Variants in FRAS1 observed in about 807,000 individuals in gnomAD.
FRAS1 encodes extracellular matrix organizing protein FRAS1.
Under a neutral mutation model 435.2 loss-of-function variants are expected in FRAS1, and 290 were observed. That is an observed-to-expected ratio of 0.67 (90% confidence interval 0.61 to 0.73). The LOEUF (loss-of-function observed/expected upper bound fraction) is 0.73, where lower values mean the gene tolerates loss of function less well. Ranked by LOEUF, FRAS1 falls within the 30% of genes least tolerant of loss-of-function variation. The pLI is 0.00. For missense variants in FRAS1, 4,860 were observed against 5,001.5 expected (o/e 0.97, Z 0.85); for synonymous variants, 1,800 against 1,851.0 (o/e 0.97, Z 0.71).
intron 70 of FRAS1, among the ~76,000 whole-genome samples, chr4:78,533,913 G>A (rs1272444884): frequency 6.6e-6 from 1 of 152,196 alleles, no homozygotes; most frequent in African/African-American, 2.4e-5. Flanking sequence ...AGAACAATAA[G>A]GGTCCCAGAA....
chr4:78,496,341 T>G (rs17003281), intron 59 of FRAS1, among the ~76,000 whole-genome samples: 1 of 152,190 alleles, frequency 6.6e-6, no homozygotes, highest in Non-Finnish European at 1.5e-5. Context: ...CGCAAAGCCT[T>G]TCTGATTTCT....
chr4:78,266,699 T>C (rs1174514170), intron 7 of FRAS1, 135 bp from the exon 8 acceptor site: 1 of 679,392 alleles, frequency 1.5e-6, no homozygotes, highest in Admixed American at 2.5e-5. Context: ...TCTAAATGTT[T>C]TCATTTCTCA....
chr4:78,253,640 C>T (rs547437849), intron 5 of FRAS1, among the ~76,000 whole-genome samples: 28 of 152,210 alleles, frequency 1.8e-4, no homozygotes, highest in African/African-American at 6.3e-4. Context: ...AACCCCATTC[C>T]GTATTGGAAT....
intron 47 of FRAS1, among the ~76,000 whole-genome samples, chr4:78,461,739 G>A (rs2627651): frequency 0.76 from 116,309 of 152,118 alleles, 45,154 homozygotes; most frequent in African/African-American, 0.88. Context: ...CAGGTATTTC[G>A]CTCCTAGAGA....
chr4:78,481,551 C>A (rs1248987049), intron 56 of FRAS1, among the ~76,000 whole-genome samples: 1 of 152,202 alleles, frequency 6.6e-6, no homozygotes, highest in African/African-American at 2.4e-5. Flanking sequence ...CCCCTAAGGG[C>A]TCTCTCCAGC....
intron 66 of FRAS1, among the ~76,000 whole-genome samples, chr4:78,518,434 A>ATTTATT (rs2109891268): frequency 1.7e-5 from 1 of 59,542 alleles, no homozygotes; most frequent in East Asian, 1.0e-3. Context: ...ATATATATAT[A>ATTTATT]TATATATATA....
At chr4:78,464,407 G>T (rs1202258027) in intron 48 of FRAS1, 36 bp from the exon 49 acceptor site, 4 of 1,612,512 alleles carry the variant, frequency 2.5e-6, no homozygotes, top group Non-Finnish European at 3.4e-6. Flanking sequence ...AGGTGCTAGG[G>T]ACAGGTGTCC....
chr4:78,131,570 C>T (rs112450513), intron 2 of FRAS1, among the ~76,000 whole-genome samples: 17 of 152,300 alleles, frequency 1.1e-4, no homozygotes, highest in African/African-American at 3.1e-4. Flanking sequence ...ATAAAAGCAG[C>T]GTGGGCAGAA....
At chr4:78,346,416 C>A (rs761621878) in intron 20 of FRAS1, among the ~76,000 whole-genome samples, 1 of 152,172 alleles carries the variant, frequency 6.6e-6, no homozygotes, top group Non-Finnish European at 1.5e-5. Context: ...AGATGTTAAC[C>A]CACTTACCCA....
chr4:78,505,025 C>A (rs1316142214), intron 61 of FRAS1, among the ~76,000 whole-genome samples: 2 of 152,176 alleles, frequency 1.3e-5, no homozygotes, highest in East Asian at 1.9e-4. Context: ...TTGAAAAATT[C>A]TTTTCTTTAA....
At chr4:78,475,714 CCTT>C (rs1719835222) in intron 54 of FRAS1, 108 bp downstream of exon 54, 2 of 1,039,324 alleles carry the variant, frequency 1.9e-6, no homozygotes, top group Non-Finnish European at 2.7e-6. Flanking sequence ...TCACTGGTGT[CCTT>C]CTTCAAGTAT....
In FRAS1 at chr4:78,308,139, C is replaced by T. The variant is rs371970075; in HGVS notation, c.1608C>T (p.His536=). 40 of 1,613,800 alleles carry T rather than the reference C, an allele frequency of 2.5e-5. No individual in the cohort carries two copies. In the African/African-American group the frequency reaches 2.8e-4, roughly 11 times the overall value. Residue 536 remains histidine, a synonymous_variant, in exon 15 of 74, where the codon CAC becomes CAT. Coordinates refer to ENST00000512123, the MANE Select transcript of FRAS1 (RefSeq NM_025074.7). The stretch of plus-strand genomic sequence containing the variant: ...GCTTGGCCTGCAGAGATCCCCTCCA[C>T]GTGCTGAGAGATGGCGGCTGTGAGA... ...KHCLACRDPL[H]VLRDGGCESS...
chr4:78,525,575 T>C (rs894546574), intron 69 of FRAS1, among the ~76,000 whole-genome samples: 2 of 152,248 alleles, frequency 1.3e-5, no homozygotes, highest in African/African-American at 4.8e-5. Context: ...AATTTACTGA[T>C]AAATAGATAA....
chr4:78,361,751 A>G (rs72657066), intron 20 of FRAS1, among the ~76,000 whole-genome samples: 166 of 152,354 alleles, frequency 1.1e-3, no homozygotes, highest in Non-Finnish European at 1.9e-3. Context: ...ACAAGCGTTG[A>G]GATGAAACAA....
intron 2 of FRAS1, among the ~76,000 whole-genome samples, chr4:78,194,097 GC>G (rs1429900117): frequency 6.6e-6 from 1 of 152,074 alleles, no homozygotes; most frequent in Non-Finnish European, 1.5e-5. Context: ...TTGAATATTG[GC>G]CCCCACTCTC....
intron 3 of FRAS1, among the ~76,000 whole-genome samples, chr4:78,243,197 T>C (rs1269598744): frequency 6.6e-6 from 1 of 152,180 alleles, no homozygotes; most frequent in African/African-American, 2.4e-5. Flanking sequence ...TCTATATATA[T>C]ATATGTATAT....
intron 2 of FRAS1, among the ~76,000 whole-genome samples, chr4:78,195,898 A>G (rs1019917005): frequency 1.3e-5 from 2 of 150,490 alleles, no homozygotes; most frequent in African/African-American, 4.9e-5. Flanking sequence ...ACCTGTTCCT[A>G]TTCGGCCATC....
At chr4:78,124,703 G>C (rs1040500429) in intron 2 of FRAS1, among the ~76,000 whole-genome samples, 3 of 152,174 alleles carry the variant, frequency 2.0e-5, no homozygotes, top group Admixed American at 6.5e-5. Flanking sequence ...TTAGTCTTGG[G>C]AGGGTGTATG....
At chr4:78,400,357 A>G (rs1407829177) in intron 29 of FRAS1, among the ~76,000 whole-genome samples, 3 of 152,160 alleles carry the variant, frequency 2.0e-5, no homozygotes, top group Non-Finnish European at 4.4e-5. Flanking sequence ...CATCTTGTAT[A>G]TATCGGGCCT....
Sources: gnomAD v4.1 joint callset for allele counts (sites outside exome capture counted in the v4.1 genomes callset) on GRCh38, gnomAD v4.1.1 for gene constraint, MANE v1.5 for transcripts, NCBI Gene and HGNC (gene_info 2026-07-23, HGNC 2026-07-21) for gene names.